Variants in PTPRD observed in about 807,000 individuals in gnomAD.
PTPRD encodes the protein receptor-type tyrosine-protein phosphatase delta.
Under a neutral mutation model 214.5 loss-of-function variants are expected in PTPRD, and 34 were observed. The ratio of observed to expected loss-of-function variants is 0.16; its 90% CI spans 0.12 to 0.21. The LOEUF is 0.21. Ranked by LOEUF, PTPRD falls within the 10% of genes least tolerant of loss-of-function variation. The pLI, the probability that PTPRD is intolerant of heterozygous loss-of-function variation, is 1.00. For synonymous variants in PTPRD, 1,128 were observed against 845.7 expected (o/e 1.33, Z -5.79); for missense variants, 2,545 against 2,398.7 (o/e 1.06, Z -1.27).
intron 28 of PTPRD, chr9:8,485,554 T>A: frequency 1.6e-6 from 1 of 627,282 alleles, no homozygotes; most frequent in East Asian, 2.7e-5. Context: ...CCTGAGGACA[T>A]TGGGGTGCTG....
In PTPRD at chr9:8,546,617, G is replaced by A. The variant is rs190735471; in HGVS notation, c.353-17838C>T. On this transcript the variant is annotated intron_variant, in intron 14 of 45. Coordinates refer to ENST00000381196, the MANE Select transcript of PTPRD (RefSeq NM_002839.4). Reference sequence around the variant, plus strand: ...AGTTTCAAGAGATTCTCCTGCCTTGGTCTCCCCAGTAGATGGGATTACAGG... The same window carrying A: ...AGTTTCAAGAGATTCTCCTGCCTTGATCTCCCCAGTAGATGGGATTACAGG... Among the ~76,000 whole-genome samples, 17 of 151,886 alleles carry A rather than the reference G, an allele frequency of 1.1e-4. No individual in the cohort carries two copies. The East Asian group carries it at 1.2e-3, about 10-fold the overall frequency.
chr9:8,786,063 G>C (rs1362202733), intron 11 of PTPRD, among the ~76,000 whole-genome samples: 2 of 151,856 alleles, frequency 1.3e-5, no homozygotes, highest in Non-Finnish European at 2.9e-5. Flanking sequence ...GTGTGTGTGT[G>C]TGTGTGTACC....
At chr9:9,112,557 T>C (rs1367136305) in intron 10 of PTPRD, among the ~76,000 whole-genome samples, 1 of 152,144 alleles carries the variant, frequency 6.6e-6, no homozygotes, top group Non-Finnish European at 1.5e-5. Context: ...CTATTTATAT[T>C]GTAAGGCACT....
At chr9:8,964,188 C>CTTTTT (rs1567272381) in intron 11 of PTPRD, among the ~76,000 whole-genome samples, 7 of 80,638 alleles carry the variant, frequency 8.7e-5, no homozygotes, top group South Asian at 7.0e-4. Context: ...TAGTTCAGGG[C>CTTTTT]TGTGTTTTTT....
intron 11 of PTPRD, among the ~76,000 whole-genome samples, chr9:8,768,585 TAA>T (rs2094946030): frequency 6.6e-6 from 1 of 151,986 alleles, no homozygotes; most frequent in Non-Finnish European, 1.5e-5. Context: ...AAATAAGAAA[TAA>T]GAGTCATTAA....
chr9:10,180,154 CAT>C (rs1401812296), intron 3 of PTPRD, among the ~76,000 whole-genome samples: 1 of 151,828 alleles, frequency 6.6e-6, no homozygotes, highest in African/African-American at 2.4e-5. Flanking sequence ...AAATTTAAAA[CAT>C]ATGTTTAAAA....
At chr9:8,331,954 TCCTAAATTTATTTACTCTTGC>T (rs1564002007) in intron 43 of PTPRD, among the ~76,000 whole-genome samples, 32 of 150,898 alleles carry the variant, frequency 2.1e-4, no homozygotes, top group Non-Finnish European at 1.5e-4. Context: ...ACTCTTGAAA[TCCTAAATTTATTTACTCTTGC>T]AGTGCCCAGT....
chr9:8,505,494 C>T (rs1227310979), intron 22 of PTPRD, among the ~76,000 whole-genome samples: 20 of 151,310 alleles, frequency 1.3e-4, no homozygotes, highest in African/African-American at 3.4e-4. Flanking sequence ...TGGTGGTGGG[C>T]GCCTGTGGTC....
intron 8 of PTPRD, among the ~76,000 whole-genome samples, chr9:9,495,151 A>G (rs2096113553): frequency 6.6e-6 from 1 of 152,106 alleles, no homozygotes; most frequent in African/African-American, 2.4e-5. Flanking sequence ...CATTCATTAT[A>G]CACATAACTT....
At chr9:9,231,958 T>G (rs1409292748) in intron 9 of PTPRD, among the ~76,000 whole-genome samples, 1 of 152,152 alleles carries the variant, frequency 6.6e-6, no homozygotes, top group Non-Finnish European at 1.5e-5. Context: ...ACTGGTGGCA[T>G]AGAATACAAT....
intron 5 of PTPRD, among the ~76,000 whole-genome samples, chr9:9,845,029 C>T (rs1214205905): frequency 1.4e-5 from 2 of 141,454 alleles, no homozygotes; most frequent in South Asian, 2.2e-4. Context: ...TATATATATA[C>T]TGCTATATAT....
At chr9:10,611,720 A>G (rs1259463591) in intron 2 of PTPRD, among the ~76,000 whole-genome samples, 2 of 152,176 alleles carry the variant, frequency 1.3e-5, no homozygotes, top group Non-Finnish European at 1.5e-5. Flanking sequence ...TCAAAGTCAC[A>G]GTCTCAGCCC....
intron 4 of PTPRD, among the ~76,000 whole-genome samples, chr9:10,025,162 G>A (rs889558964): frequency 6.6e-6 from 1 of 152,028 alleles, no homozygotes; most frequent in Non-Finnish European, 1.5e-5. Context: ...GGGATGGCTA[G>A]GTCAAATGGT....
At chr9:10,251,809 T>C (rs560046920) in intron 3 of PTPRD, among the ~76,000 whole-genome samples, 1 of 152,256 alleles carries the variant, frequency 6.6e-6, no homozygotes, top group South Asian at 2.1e-4. Context: ...TCTGAAAAAG[T>C]TGAACTCATA....
At chr9:8,755,316 G>T (rs112738271) in intron 11 of PTPRD, among the ~76,000 whole-genome samples, 7,603 of 151,644 alleles carry the variant, frequency 0.05, 474 homozygotes, top group African/African-American at 0.15. Flanking sequence ...GATCACATGA[G>T]GTCAGGAGTT....
At chr9:8,790,302 C>G (rs541253681) in intron 11 of PTPRD, among the ~76,000 whole-genome samples, 1 of 151,850 alleles carries the variant, frequency 6.6e-6, no homozygotes, top group Non-Finnish European at 1.5e-5. Context: ...AGGTGTGAGC[C>G]GCTGCACTTG....
intron 12 of PTPRD, among the ~76,000 whole-genome samples, chr9:8,688,083 A>G (rs2154378825): frequency 6.6e-6 from 1 of 152,354 alleles, no homozygotes; most frequent in Middle Eastern, 3.4e-3. Flanking sequence ...ATTTGCATAA[A>G]TAGTCATCCT....
intron 6 of PTPRD, among the ~76,000 whole-genome samples, chr9:9,765,972 T>A (rs997472004): frequency 6.6e-6 from 1 of 152,176 alleles, no homozygotes; most frequent in Non-Finnish European, 1.5e-5. Flanking sequence ...CGTAAATTCT[T>A]TATATGTTAG....
intron 7 of PTPRD, among the ~76,000 whole-genome samples, chr9:9,605,349 T>A (rs966398428): frequency 2.6e-5 from 4 of 152,092 alleles, no homozygotes; most frequent in African/African-American, 9.6e-5. Flanking sequence ...GTCCCTGACC[T>A]ATAGTGTCTA....
Sources: gnomAD v4.1 joint callset for allele counts (sites outside exome capture counted in the v4.1 genomes callset) on GRCh38, gnomAD v4.1.1 for gene constraint, MANE v1.5 for transcripts, NCBI Gene and HGNC (gene_info 2026-07-23, HGNC 2026-07-21) for gene names.